BEND2: variants seen among roughly 807,000 people sequenced by gnomAD.
BEND2 encodes BEN domain-containing protein 2.
BEND2 carries 19 observed loss-of-function variants against 43.8 expected under a neutral mutation model. The ratio of observed to expected loss-of-function variants is 0.43; its 90% confidence interval spans 0.30 to 0.64. The LOEUF is 0.64. BEND2 is among the 30% of genes least tolerant of loss of function. The probability of loss-of-function intolerance (pLI) is 0.11; values close to 1 mark genes in which losing one functional copy is unlikely to be tolerated. For synonymous variants in BEND2, 226 were observed against 210.1 expected, an observed-to-expected ratio of 1.08 and a Z score of -0.66; for missense variants, 544 against 574.0, an observed-to-expected ratio of 0.95 and a Z score of 0.53.
At position 18,180,785 on chromosome X, in the gene BEND2, C is replaced by A; in HGVS notation, c.1289-135G>T. Reference sequence around the variant, plus strand: ...CAGCAGACCTACTCTTTTTTTTTTTCTTTCTTTCTTTTTTTTTTAGACTAT... The same window carrying A: ...CAGCAGACCTACTCTTTTTTTTTTTATTTCTTTCTTTTTTTTTTAGACTAT... On this transcript the variant is annotated intron_variant, in intron 8 of 13. Coordinates refer to ENST00000380033, the MANE Select transcript of BEND2 (RefSeq NM_153346.5). 3 of 459,912 alleles carry A rather than the reference C, an allele frequency of 6.5e-6. No homozygotes were observed. The South Asian group carries it at 1.1e-4, about 17-fold the overall frequency. 37.9% of individuals were successfully genotyped at this position (459,912 alleles called of 1,213,427 possible).
rs201680223 is a variant in BEND2 at position 18,208,021 on chromosome X, G to GAAA, written c.493-4109_493-4107dup. ...GCAATAAGAGCGAAATTCTGTCTCAGAAAAAAAAAAAAAATAGTACAATGG... is the reference window on the plus strand; with the variant it reads ...GCAATAAGAGCGAAATTCTGTCTCAGAAAAAAAAAAAAAAAAATAGTACAATGG... On this transcript the variant is annotated intron_variant, in intron 4 of 13. Coordinates refer to ENST00000380033, the MANE Select transcript of BEND2 (RefSeq NM_153346.5). 4.5e-5 allele frequency among the ~76,000 whole-genome samples: 4 copies of GAAA among 89,232 alleles called. No homozygotes were observed. In the East Asian group the frequency reaches 1.0e-3, roughly 23 times the overall value. 77.5% of individuals were successfully genotyped at this position (89,232 alleles called of 115,157 possible). A position where few individuals can be genotyped will look rare whatever the true frequency, so the allele number is the denominator to read the frequency against.
At position 18,198,754 on chromosome X, in the gene BEND2, T is replaced by TA. The variant is rs762914260; in HGVS notation, c.1033+3060dup. 3.3e-3 allele frequency among the ~76,000 whole-genome samples: 361 copies of TA among 110,363 alleles called. 3 individuals are homozygous for TA. The highest frequency in any genetic ancestry group is 0.011 in the African/African-American group (328 of 30,323). ...GCTGCTATAAAGACACATGCACACTTATGTTTATCGTGGCACTATTCACAA... is the reference window on the plus strand; with the variant it reads ...GCTGCTATAAAGACACATGCACACTTAATGTTTATCGTGGCACTATTCACAA... On this transcript the variant is annotated intron_variant, in intron 6 of 13. Coordinates refer to ENST00000380033, the MANE Select transcript of BEND2 (RefSeq NM_153346.5).
Position 18,212,650 on chromosome X carries a change from A to T in BEND2, c.407T>A (p.Ile136Lys). ...VAHGDQIVSQINHPVHLRRYS... is the reference protein window; with the variant it reads ...VAHGDQIVSQKNHPVHLRRYS... ...TCTTCTTAAATGTACTGGGTGGTTTATCTGTGAAACTATTTGGTCACCATG... is the reference window on the plus strand; with the variant it reads ...TCTTCTTAAATGTACTGGGTGGTTTTTCTGTGAAACTATTTGGTCACCATG... The change falls in exon 4 of 14, where the codon ATA (isoleucine) becomes AAA (lysine). Residue 136 changes from isoleucine (I) to lysine (K), a missense_variant. By Grantham distance (102) the Ile-to-Lys change is moderately radical. Coordinates refer to ENST00000380033, the MANE Select transcript of BEND2 (RefSeq NM_153346.5). The T allele has an allele frequency of 8.3e-7, 1 of 1,209,160 alleles. No homozygotes were observed. The highest frequency in any genetic ancestry group is 1.1e-6 in the Non-Finnish European group (1 of 893,537).
At chrX:18,178,957 T>C (rs1487479383) in intron 9 of BEND2, among the ~76,000 whole-genome samples, 1 of 106,151 alleles carries the variant, frequency 9.4e-6, no homozygotes, top group African/African-American at 3.4e-5. Context: ...TTTTTGTTTG[T>C]TTGCTTCCAA....
At chrX:18,205,050 C>T (rs112968928) in intron 4 of BEND2, among the ~76,000 whole-genome samples, 2,443 of 110,993 alleles carry the variant, frequency 0.022, 74 homozygotes, top group African/African-American at 0.076. Flanking sequence ...ACTAATCTTA[C>T]AAAACCATTG....
At chrX:18,211,884 C>T (rs1925514637) in intron 4 of BEND2, among the ~76,000 whole-genome samples, 1 of 110,056 alleles carries the variant, frequency 9.1e-6, no homozygotes, top group Admixed American at 9.8e-5. Context: ...AAACAAATCT[C>T]CAAAACATTC....
At chrX:18,204,001 C>G (rs1481124417) in intron 4 of BEND2, 86 bp from the exon 5 acceptor site, 1 of 922,483 alleles carries the variant, frequency 1.1e-6, no homozygotes, top group Non-Finnish European at 1.5e-6. Flanking sequence ...ACAATCAAAA[C>G]TTTTTTGTGT....
chrX:18,183,150 T>C (rs1924453715), intron 8 of BEND2, among the ~76,000 whole-genome samples: 2 of 108,272 alleles, frequency 1.8e-5, no homozygotes, highest in South Asian at 8.4e-4. Flanking sequence ...TATAGAACAT[T>C]CCATCTAATA....
intron 1 of BEND2, among the ~76,000 whole-genome samples, chrX:18,217,922 A>AAAT (rs56310183): frequency 0.052 from 5,444 of 104,513 alleles, 376 homozygotes; most frequent in African/African-American, 0.17. Context: ...CTCTACCAAA[A>AAAT]AATAATAATA....
At chrX:18,190,891 G>A (rs1014302269) in intron 8 of BEND2, 110 bp downstream of exon 8, 8 of 595,748 alleles carry the variant, frequency 1.3e-5, no homozygotes, top group African/African-American at 1.2e-4. Flanking sequence ...CTATATTTTT[G>A]TAAAATAGTA....
chrX:18,211,932 A>G (rs985591393), intron 4 of BEND2, among the ~76,000 whole-genome samples: 5 of 110,130 alleles, frequency 4.5e-5, no homozygotes, highest in African/African-American at 1.7e-4. Context: ...AACAGTACAT[A>G]CTGTACAGTT....
intron 12 of BEND2, among the ~76,000 whole-genome samples, chrX:18,172,130 A>G (rs1923995375): frequency 9.0e-6 from 1 of 110,974 alleles, no homozygotes; most frequent in African/African-American, 3.3e-5. Context: ...TAAATATACT[A>G]GAAAAATATA....
intron 8 of BEND2, among the ~76,000 whole-genome samples, chrX:18,181,062 A>T (rs1924369681): frequency 1.8e-5 from 2 of 111,321 alleles, no homozygotes; most frequent in African/African-American, 6.5e-5. Context: ...CTCTTAAAGA[A>T]TGGCTAAAAG....
intron 13 of BEND2, among the ~76,000 whole-genome samples, chrX:18,170,172 G>A (rs1923932861): frequency 8.9e-6 from 1 of 111,775 alleles, no homozygotes; most frequent in Admixed American, 9.6e-5. Context: ...GAAATGTAAT[G>A]GAAGAGAAAA....
intron 8 of BEND2, 78 bp from the exon 9 acceptor site, chrX:18,180,728 T>G: frequency 2.7e-6 from 2 of 733,755 alleles, no homozygotes; most frequent in Non-Finnish European, 4.0e-6. Context: ...AAATACACTC[T>G]CAGACAAAAG....
rs1197060190 is a variant in BEND2 at position 18,177,625 on chromosome X, T to G, written c.1574A>C (p.Asp525Ala). The change falls in exon 10 of 14, where the codon GAT becomes GCT. Residue 525 changes from aspartate (D) to alanine (A), a missense_variant. Asp to Ala is a moderately radical substitution (Grantham distance 126, BLOSUM62 -2). This residue lies in a region of BEND2 where 501 missense variants were observed against 501.6 expected (regional missense o/e 1.00). Coordinates refer to ENST00000380033, the MANE Select transcript of BEND2 (RefSeq NM_153346.5). ...GGATTGGCTGTCTTTCAAATGGATA[T>G]CCACTGAGCTGCTAATCAGGATTTC... ...SKEILISSSV[D>A]IHLKDSQSLD... is the part of the protein sequence containing the mutation. 8.3e-7 allele frequency: 1 copy of G among 1,211,439 alleles called. No individual in the cohort carries two copies. Among genetic ancestry groups the G allele is most frequent in the Middle Eastern group, 2.3e-4 (1 of 4,355 alleles).
chrX:18,212,414 T>C (rs1014953862), intron 4 of BEND2, 151 bp downstream of exon 4: 5 of 419,865 alleles, frequency 1.2e-5, no homozygotes, highest in African/African-American at 2.5e-5. Flanking sequence ...GTTCATTATC[T>C]TCATGGGGTG....
Position 18,205,665 on chromosome X carries a change from C to T in BEND2, c.493-1750G>A, listed in dbSNP as rs73454374. 6.3e-3 allele frequency among the ~76,000 whole-genome samples: 631 copies of T among 100,576 alleles called. 6 individuals carry two copies. Among genetic ancestry groups the T allele is most frequent in the African/African-American group, 0.022 (601 of 27,388 alleles). The allele number at this position is 100,576 out of a possible 115,157, so 87.3% of individuals were successfully genotyped here. A position where few individuals can be genotyped will look rare whatever the true frequency, so the allele number is the denominator to read the frequency against. ...TGTCCTAGAGGAACTGCCATCTCAGCTGGGAGAGAGACAAGTAAAGAGAGG... is the reference window on the plus strand; with the variant it reads ...TGTCCTAGAGGAACTGCCATCTCAGTTGGGAGAGAGACAAGTAAAGAGAGG... On this transcript the variant is annotated intron_variant, in intron 4 of 13. Coordinates refer to ENST00000380033, the MANE Select transcript of BEND2 (RefSeq NM_153346.5).
In BEND2 at chrX:18,177,831, T is replaced by A. The variant is rs903371669; in HGVS notation, c.1430-62A>T. On this transcript the variant is annotated intron_variant, in intron 9 of 13. Coordinates refer to ENST00000380033, the MANE Select transcript of BEND2 (RefSeq NM_153346.5). ...TTGTCATGCAAGGGTACCCTCAAAG[T>A]ACACAAGAGAATTACACTGATTTAT... The A allele has an allele frequency of 2.4e-5, 22 of 932,064 alleles. No homozygotes were observed. The African/African-American group carries it at 3.1e-4, about 13-fold the overall frequency. 76.8% of individuals were successfully genotyped at this position (932,064 alleles called of 1,213,427 possible). A position where few individuals can be genotyped will look rare whatever the true frequency, so the allele number is the denominator to read the frequency against.
Sources: allele counts gnomAD v4.1 joint callset (sites outside exome capture counted in the v4.1 genomes callset), GRCh38; gene constraint gnomAD v4.1.1; regional missense constraint gnomAD v4.1.1; transcripts MANE v1.5; gene names NCBI Gene and HGNC (gene_info 2026-07-23, HGNC 2026-07-21).